Variants in APOL4 observed in about 807,000 individuals in gnomAD.
APOL4 encodes apolipoprotein L4.
APOL4 carries 14 observed loss-of-function variants against 12.1 expected under a neutral mutation model. The observed-to-expected ratio is 1.16, with a 90% CI of 0.76 to 1.81. The LOEUF (loss-of-function observed/expected upper bound fraction) is 1.81, where lower values mean the gene tolerates loss of function less well. APOL4 is among the 40% of genes most tolerant of loss of function. The pLI is 0.00. For missense variants in APOL4, 432 were observed against 423.1 expected (o/e 1.02, Z -0.18); for synonymous variants, 171 against 160.6 (o/e 1.06, Z -0.49).
chr22:36,200,275 T>C (rs2014533058), intron 1 of APOL4, among the ~76,000 whole-genome samples: 1 of 152,246 alleles, frequency 6.6e-6, no homozygotes, highest in Non-Finnish European at 1.5e-5. Flanking sequence ...ATGTCTTCAA[T>C]GACTGTGCTC....
At chr22:36,192,865 G>C (rs752417155) in intron 3 of APOL4, among the ~76,000 whole-genome samples, 5 of 152,170 alleles carry the variant, frequency 3.3e-5, no homozygotes, top group African/African-American at 4.8e-5. Flanking sequence ...CTGCCATGAC[G>C]GCAGCTTGTG....
intron 3 of APOL4, among the ~76,000 whole-genome samples, chr22:36,192,796 T>G (rs773939699): frequency 6.6e-6 from 1 of 152,180 alleles, no homozygotes; most frequent in Non-Finnish European, 1.5e-5. Context: ...TCATCTGCCT[T>G]CCAGAGGAAC....
In APOL4 at chr22:36,191,660, G is replaced by A. The variant is rs748038530; in HGVS notation, c.462C>T (p.Gly154=). Residue 154 remains glycine (G), a synonymous_variant, in exon 4 of 4, where the codon GGC becomes GGT. Coordinates refer to ENST00000683024, the MANE Select transcript of APOL4 (RefSeq NM_001386885.1). The part of the protein sequence containing the change: ...SGSTGILSVI[G]VMLAPFTAGL... ...CTGCTGTAAATGGTGCCAACATAACGCCAATGACAGACAGGATGCCAGTGG... is the reference window on the plus strand; with the variant it reads ...CTGCTGTAAATGGTGCCAACATAACACCAATGACAGACAGGATGCCAGTGG... 5.0e-6 allele frequency: 8 copies of A among 1,613,954 alleles called. No individual in the cohort carries two copies. Among genetic ancestry groups the A allele is most frequent in the African/African-American group, 1.3e-5 (1 of 75,038 alleles).
chr22:36,200,736 G>A (rs1408844952), intron 1 of APOL4, among the ~76,000 whole-genome samples: 1 of 152,190 alleles, frequency 6.6e-6, no homozygotes, highest in Non-Finnish European at 1.5e-5. Context: ...CATGCAAATT[G>A]TACCAATTCA....
chr22:36,193,183 G>A (rs931446204), intron 3 of APOL4, among the ~76,000 whole-genome samples: 2 of 152,144 alleles, frequency 1.3e-5, no homozygotes, highest in Non-Finnish European at 2.9e-5. Flanking sequence ...CAGTTTAGCA[G>A]GAACCCCCCA....
At chr22:36,202,696 A>G (rs560435813), upstream of APOL4, among the ~76,000 whole-genome samples, 1 of 151,928 alleles carries the variant, frequency 6.6e-6, no homozygotes, top group South Asian at 2.1e-4. Context: ...ACTGCACTCC[A>G]GCCTGGGCAA....
rs5756091 is a variant in APOL4, at chr22:36,189,673, T to G, written c.*1402A>C. ...TTCTTTTCCTGGTCTTCTCATTGCT[T>G]GTTCCTACGTGCCTCCCTCTCTTCC... On this transcript the variant is annotated 3_prime_UTR_variant, in exon 4 of 4. Coordinates refer to ENST00000683024, the MANE Select transcript of APOL4 (RefSeq NM_001386885.1). 0.56 allele frequency: 84,647 copies of G among 152,318 alleles called. 24,085 individuals are homozygous for G. The highest frequency in any genetic ancestry group is 0.82 in the East Asian group (4,217 of 5,158). 9.4% of individuals were successfully genotyped at this position (152,318 alleles called of 1,614,324 possible).
chr22:36,196,084 C>T lies in APOL4; in HGVS notation c.83-647G>A, dbSNP rs530237036. Among the ~76,000 whole-genome samples, 645 of 152,336 alleles carry T rather than the reference C, an allele frequency of 4.2e-3. 4 individuals are homozygous for T. Among genetic ancestry groups the T allele is most frequent in the Non-Finnish European group, 5.6e-3 (378 of 68,034 alleles). On this transcript the variant is annotated intron_variant, in intron 2 of 3. Transcript: ENST00000683024. ...TGAGAATCACCAGAAAGTGAGCTTTCCACCATGTTTTCTCCCCATGTACGG... is the reference window on the plus strand; with the variant it reads ...TGAGAATCACCAGAAAGTGAGCTTTTCACCATGTTTTCTCCCCATGTACGG...
At chr22:36,192,644 C>T (rs1450301991) in intron 3 of APOL4, among the ~76,000 whole-genome samples, 2 of 152,144 alleles carry the variant, frequency 1.3e-5, no homozygotes, top group South Asian at 2.1e-4. Flanking sequence ...GAGCATATCC[C>T]TTTGTCCTCG....
intron 2 of APOL4, among the ~76,000 whole-genome samples, chr22:36,198,758 G>C (rs1165853571): frequency 6.6e-6 from 1 of 152,196 alleles, no homozygotes; most frequent in Admixed American, 6.5e-5. Flanking sequence ...GGAGTAAGGA[G>C]CTCCAGGTCA....
At position 36,199,362 on chromosome 22, in the gene APOL4, T is replaced by C. The variant is rs769796694; in HGVS notation, c.50A>G (p.His17Arg). The change falls in exon 2 of 4, where the codon CAT (histidine) becomes CGT (arginine). Residue 17 changes from histidine (H) to arginine (R), a missense_variant. Transcript: ENST00000683024. ...LITSVGVQQN[H>R]PGWTVAGQFQ... ...CTGTCCAGCCACTGTCCAGCCTGGA[T>C]GGTTTTGCTGCACCCTTGAGGAAGA... is the stretch of plus-strand genomic sequence containing the variant. 10 of 1,613,964 alleles carry C rather than the reference T, an allele frequency of 6.2e-6. No individual in the cohort carries two copies. Among genetic ancestry groups the C allele is most frequent in the African/African-American group, 1.3e-5 (1 of 74,938 alleles).
intron 1 of APOL4, chr22:36,199,670 TAC>T: frequency 1.3e-6 from 2 of 1,547,600 alleles, no homozygotes; most frequent in African/African-American, 1.4e-5. Context: ...TTACAGAAAC[TAC>T]ACAGTCTATA....
At chr22:36,204,573 T>C (rs755412934), upstream of APOL4, 4 of 317,950 alleles carry the variant, frequency 1.3e-5, no homozygotes, top group Non-Finnish European at 2.3e-5. Context: ...CCTTCCCTCA[T>C]AGAGCTATTG....
chr22:36,191,335 A>G lies in APOL4; in HGVS notation c.787T>C (p.Tyr263His), dbSNP rs1308558010. ...GTCTCAACAACATTTATAGGTACAT[A>G]TCGCCAAGCAATCAAAGGGCGTCCA... ...TVGRPLIAWR[Y>H]VPINVVETLR... The change falls in exon 4 of 4, where the codon TAT becomes CAT. Residue 263 changes from tyrosine to histidine, a missense_variant. Physicochemically the swap from Tyr to His is moderately conservative, Grantham distance 83 (BLOSUM62 2). Coordinates refer to ENST00000683024, the MANE Select transcript of APOL4 (RefSeq NM_001386885.1). The G allele has an allele frequency of 1.2e-6, 2 of 1,614,078 alleles. No individual in the cohort carries two copies. Among genetic ancestry groups the G allele is most frequent in the Non-Finnish European group, 1.7e-6 (2 of 1,179,908 alleles).
At chr22:36,204,527 T>G (rs2014672050), upstream of APOL4, 2 of 226,802 alleles carry the variant, frequency 8.8e-6, no homozygotes, top group East Asian at 1.8e-4. Context: ...ACGAGTTACC[T>G]AACCTCTCCG....
chr22:36,197,843 G>A, intron 2 of APOL4: 2 of 1,544,578 alleles, frequency 1.3e-6, no homozygotes, highest in South Asian at 1.2e-5. Flanking sequence ...TGACAAACAG[G>A]AAGTGGCCAA....
rs1048171869 is a variant in APOL4, at chr22:36,190,758, C to G, written c.*317G>C. 2.1e-5 allele frequency: 6 copies of G among 288,862 alleles called. No individual in the cohort carries two copies. In the East Asian group the frequency reaches 4.9e-4, roughly 23 times the overall value. The allele number at this position is 288,862 out of a possible 1,614,324, so 17.9% of individuals were successfully genotyped here. A position where few individuals can be genotyped will look rare whatever the true frequency, so the allele number is the denominator to read the frequency against. ...TTCATATTGTTCAAACACACATGCT[C>G]TACAATTTGTGCAGTTAACGCAATT... On this transcript the variant is annotated 3_prime_UTR_variant, in exon 4 of 4. Coordinates refer to ENST00000683024, the MANE Select transcript of APOL4 (RefSeq NM_001386885.1).
Position 36,195,371 on chromosome 22 carries a change from T to C in APOL4, c.149A>G (p.Lys50Arg). Residue 50 changes from lysine (K) to arginine (R), a missense_variant, in exon 3 of 4, where the codon AAA becomes AGA. By Grantham distance (26) the Lys-to-Arg change is conservative. Transcript: ENST00000683024. Reference sequence around the variant, plus strand: ...GGCTTCATCGCTAGTCAGCAGGATTTTCAGATGCACTGGGCTAACTTTCTT... The same window carrying C: ...GGCTTCATCGCTAGTCAGCAGGATTCTCAGATGCACTGGGCTAACTTTCTT... ...FQKKVSPVHL[K>R]ILLTSDEAWK... 1 of 1,613,854 alleles carries C rather than the reference T, an allele frequency of 6.2e-7. No individual in the cohort carries two copies. Among genetic ancestry groups the C allele is most frequent in the Non-Finnish European group, 8.5e-7 (1 of 1,179,884 alleles).
chr22:36,194,598 G>C (rs1000213055), intron 3 of APOL4, among the ~76,000 whole-genome samples: 9 of 152,108 alleles, frequency 5.9e-5, no homozygotes, highest in African/African-American at 2.2e-4. Flanking sequence ...ACTCCCATCT[G>C]ATTGAATTAC....
Sources: gnomAD v4.1 joint callset for allele counts (sites outside exome capture counted in the v4.1 genomes callset) on GRCh38, gnomAD v4.1.1 for gene constraint, MANE v1.5 for transcripts, NCBI Gene and HGNC (gene_info 2026-07-23, HGNC 2026-07-21) for gene names.